The following MTPN variants were observed in gnomAD, a reference collection of about 807,000 sequenced individuals.
MTPN encodes myotrophin, also known as granule cell differentiation protein.
MTPN carries 2 observed loss-of-function variants against 13.5 expected under a neutral mutation model. The observed-to-expected ratio is 0.15, with a 90% CI of 0.06 to 0.47. The LOEUF (loss-of-function observed/expected upper bound fraction) is 0.47, where lower values mean the gene tolerates loss of function less well. Among genes scored for constraint, MTPN ranks in the 20% least tolerant of loss-of-function variants. MTPN has a pLI of 0.97. For missense variants in MTPN, 79 were observed against 137.9 expected (o/e 0.57, Z 2.14); for synonymous variants, 46 against 51.7 (o/e 0.89, Z 0.48).
intron 1 of MTPN, among the ~76,000 whole-genome samples, chr7:135,954,376 T>A (rs1409266495): frequency 1.3e-5 from 2 of 152,262 alleles, no homozygotes; most frequent in Non-Finnish European, 2.9e-5. Flanking sequence ...TATTGTAACA[T>A]GCTTTATATT....
At chr7:135,965,617 T>C (rs1055906499) in intron 1 of MTPN, among the ~76,000 whole-genome samples, 1 of 152,112 alleles carries the variant, frequency 6.6e-6, no homozygotes, top group Admixed American at 6.6e-5. Flanking sequence ...AGTGAGACTG[T>C]ATAGTGTTAA....
intron 3 of MTPN, among the ~76,000 whole-genome samples, chr7:135,940,164 T>C (rs1267536258): frequency 5.9e-5 from 9 of 152,186 alleles, no homozygotes; most frequent in Admixed American, 5.9e-4. Context: ...TATGAGAAAA[T>C]GTTCAGAATC....
intron 3 of MTPN, among the ~76,000 whole-genome samples, chr7:135,937,838 C>T (rs1799140888): frequency 6.6e-6 from 1 of 152,100 alleles, no homozygotes; most frequent in African/African-American, 2.4e-5. Flanking sequence ...TTATGGTAAC[C>T]TACTTCCACT....
At chr7:135,933,743 A>G (rs953055251) in intron 3 of MTPN, among the ~76,000 whole-genome samples, 2 of 152,136 alleles carry the variant, frequency 1.3e-5, no homozygotes, top group African/African-American at 4.8e-5. Context: ...AGTCCCACAA[A>G]CTAATGAATT....
intron 1 of MTPN, among the ~76,000 whole-genome samples, chr7:135,955,347 A>G (rs1799425815): frequency 6.6e-6 from 1 of 152,210 alleles, no homozygotes; most frequent in African/African-American, 2.4e-5. Flanking sequence ...TCACAAGCTG[A>G]TTCTTCAAGA....
intron 3 of MTPN, among the ~76,000 whole-genome samples, chr7:135,933,903 T>G (rs1338220259): frequency 6.6e-6 from 1 of 150,548 alleles, no homozygotes; most frequent in Non-Finnish European, 1.5e-5. Flanking sequence ...TGTGATAGAG[T>G]AGAGTTCTCA....
At chr7:135,946,617 T>C (rs1377535906) in intron 3 of MTPN, among the ~76,000 whole-genome samples, 1 of 152,220 alleles carries the variant, frequency 6.6e-6, no homozygotes, top group African/African-American at 2.4e-5. Context: ...AAAAAGGGTA[T>C]GCCTAGGAAA....
At chr7:135,942,168 C>A (rs537504349) in intron 3 of MTPN, among the ~76,000 whole-genome samples, 2 of 152,162 alleles carry the variant, frequency 1.3e-5, no homozygotes, top group Middle Eastern at 3.4e-3. Context: ...GGATTACAGG[C>A]GTGAGCTACT....
At position 135,926,988 on chromosome 7, in the gene MTPN, G is replaced by C. The variant is rs1375791502; in HGVS notation, c.*2938C>G. On this transcript the variant is annotated 3_prime_UTR_variant, in exon 4 of 4. Transcript: ENST00000393085. ...TGATTGTTTCTCCATTTACAAAATA[G>C]AATCAGGACAATTTAAATTTTTTAT... 1 of 199,788 alleles carries C rather than the reference G, an allele frequency of 5.0e-6. No individual in the cohort carries two copies. Among genetic ancestry groups the C allele is most frequent in the Non-Finnish European group, 1.0e-5 (1 of 99,352 alleles). 12.4% of individuals were successfully genotyped at this position (199,788 alleles called of 1,614,324 possible). A position where few individuals can be genotyped will look rare whatever the true frequency, so the allele number is the denominator to read the frequency against.
At chr7:135,960,915 C>T (rs1799511753) in intron 1 of MTPN, 1 of 151,706 alleles carries the variant, frequency 6.6e-6, no homozygotes, top group Admixed American at 6.6e-5. Context: ...GTAAGGGTGT[C>T]TTAAGAAGAG....
chr7:135,939,560 T>C (rs930992632), intron 3 of MTPN, among the ~76,000 whole-genome samples: 3 of 36,536 alleles, frequency 8.2e-5, no homozygotes, highest in African/African-American at 2.3e-4. Flanking sequence ...ACCATAAGGA[T>C]TGGGGAAAAT....
intron 1 of MTPN, among the ~76,000 whole-genome samples, chr7:135,966,533 C>T (rs149669940): frequency 1.1e-3 from 168 of 151,724 alleles, no homozygotes; most frequent in African/African-American, 3.7e-3. Flanking sequence ...ATCACTTTTG[C>T]GCCATCACAA....
chr7:135,972,245 ACACACACACACACACC>A (rs1799708571), intron 1 of MTPN, among the ~76,000 whole-genome samples: 3 of 134,216 alleles, frequency 2.2e-5, no homozygotes, highest in Admixed American at 7.1e-5. Flanking sequence ...ACACACACAC[ACACACACACACACACC>A]CCATGTAGAT....
At chr7:135,956,067 A>G (rs1298292270) in intron 1 of MTPN, among the ~76,000 whole-genome samples, 1 of 152,170 alleles carries the variant, frequency 6.6e-6, no homozygotes, top group Non-Finnish European at 1.5e-5. Flanking sequence ...AAAAGAAATA[A>G]AAGGCATCCA....
chr7:135,944,268 TTC>T (rs1381698954), intron 3 of MTPN, among the ~76,000 whole-genome samples: 1 of 152,172 alleles, frequency 6.6e-6, no homozygotes, highest in Non-Finnish European at 1.5e-5. Context: ...AATACTGAAC[TTC>T]TTAAAGTTCT....
intron 1 of MTPN, among the ~76,000 whole-genome samples, chr7:135,972,018 T>C (rs555718767): frequency 6.6e-6 from 1 of 152,240 alleles, no homozygotes; most frequent in Non-Finnish European, 1.5e-5. Flanking sequence ...TTTGTCTCTA[T>C]ACTAATTATT....
intron 3 of MTPN, among the ~76,000 whole-genome samples, chr7:135,935,945 T>C (rs1393401872): frequency 2.6e-5 from 4 of 152,094 alleles, no homozygotes; most frequent in Non-Finnish European, 5.9e-5. Context: ...GGAGCTGTAA[T>C]GACATTCTTA....
At chr7:135,943,843 C>T (rs140191032) in intron 3 of MTPN, among the ~76,000 whole-genome samples, 54 of 152,272 alleles carry the variant, frequency 3.5e-4, no homozygotes, top group African/African-American at 1.3e-3. Flanking sequence ...TCAGGTATAG[C>T]TCAGTGTGCT....
intron 1 of MTPN, chr7:135,960,585 A>G (rs536187202): frequency 1.3e-5 from 2 of 152,168 alleles, no homozygotes; most frequent in South Asian, 4.1e-4. Context: ...ATCATATAGC[A>G]AAAGAAATAT....
Sources: gnomAD v4.1 joint callset for allele counts (sites outside exome capture counted in the v4.1 genomes callset) on GRCh38, gnomAD v4.1.1 for gene constraint, MANE v1.5 for transcripts, NCBI Gene and HGNC (gene_info 2026-07-23, HGNC 2026-07-21) for gene names.